Variants in STRN observed in about 807,000 individuals in gnomAD.
The protein encoded by STRN is striatin, also known as protein phosphatase 2 regulatory subunit B'''alpha.
In STRN, 53 loss-of-function variants were observed where a neutral mutation model predicts 96.3. The observed-to-expected ratio is 0.55, with a 90% CI of 0.44 to 0.69. The LOEUF is 0.69. Ranked by LOEUF, STRN falls within the 30% of genes least tolerant of loss-of-function variation. STRN has a pLI of 0.00. For missense variants in STRN, 987 were observed against 963.9 expected (o/e 1.02, Z -0.32); for synonymous variants, 428 against 355.9 (o/e 1.20, Z -2.28).
intron 12 of STRN, among the ~76,000 whole-genome samples, chr2:36,861,811 G>T (rs1353379043): frequency 1.3e-5 from 2 of 151,912 alleles, no homozygotes; most frequent in Non-Finnish European, 2.9e-5. Context: ...ACATGTGCAG[G>T]TTGGTACTAT....
chr2:36,885,681 A>C (rs879733173), intron 8 of STRN, among the ~76,000 whole-genome samples: 2 of 152,170 alleles, frequency 1.3e-5, no homozygotes, highest in Non-Finnish European at 2.9e-5. Context: ...AAATGCTTTT[A>C]AGTAATAAAG....
intron 15 of STRN, 83 bp from the exon 16 acceptor site, chr2:36,851,190 G>A (rs1572620678): frequency 1.6e-6 from 2 of 1,282,070 alleles, no homozygotes; most frequent in South Asian, 2.6e-5. Context: ...CTATCTAAGA[G>A]ACTGAAAAAG....
At chr2:36,929,172 GATAAAA>G (rs558129217) in intron 1 of STRN, among the ~76,000 whole-genome samples, 321 of 151,958 alleles carry the variant, frequency 2.1e-3, no homozygotes, top group African/African-American at 7.4e-3. Flanking sequence ...AAACAAAAAA[GATAAAA>G]ATAATAGAAG....
In STRN at chr2:36,838,736, C is replaced by T. The variant is rs909597521; in HGVS notation, c.*10720G>A. 9.2e-5 allele frequency among the ~76,000 whole-genome samples: 14 copies of T among 152,022 alleles called. No individual in the cohort carries two copies. Among genetic ancestry groups the T allele is most frequent in the Non-Finnish European group, 1.8e-4 (12 of 68,008 alleles). On this transcript the variant is annotated 3_prime_UTR_variant, in exon 18 of 18. Coordinates refer to ENST00000263918, the MANE Select transcript of STRN (RefSeq NM_003162.4). ...TACTCCAGGGAATCTATTCCGCAGA[C>T]GTAAAACCATCATGGTGACAAACAT...
intron 1 of STRN, among the ~76,000 whole-genome samples, chr2:36,927,966 C>T (rs1243400978): frequency 6.6e-6 from 1 of 151,796 alleles, no homozygotes; most frequent in Admixed American, 6.6e-5. Flanking sequence ...CAAATGACCA[C>T]CTAAAGGAGA....
rs1214904671 is a variant in STRN, at chr2:36,886,793, CAGGCTTCAGGCATGAGACACT to C, written c.944_964del (p.Gln315_Trp322delinsArg). 6.2e-7 allele frequency: 1 copy of C among 1,613,352 alleles called. No homozygotes were observed. The highest frequency in any genetic ancestry group is 8.5e-7 in the Non-Finnish European group (1 of 1,179,666). On this transcript the variant is annotated inframe_deletion, in exon 8 of 18. Coordinates refer to ENST00000263918, the MANE Select transcript of STRN (RefSeq NM_003162.4). Reference sequence around the variant, plus strand: ...GGTAATTACTCCCTGGTCCACATTCCAGGCTTCAGGCATGAGACACTGGTCTTCCTTTTCTAAACAGAGTGA... The same window carrying C: ...GGTAATTACTCCCTGGTCCACATTCCGGTCTTCCTTTTCTAAACAGAGTGA...
At chr2:36,925,362 G>A (rs1370215794) in intron 1 of STRN, among the ~76,000 whole-genome samples, 154 bp from the exon 2 acceptor site, 1 of 152,114 alleles carries the variant, frequency 6.6e-6, no homozygotes, top group African/African-American at 2.4e-5. Flanking sequence ...AAAATGCACT[G>A]ACTGCAAGGG....
At chr2:36,936,844 C>T (rs547108798) in intron 1 of STRN, among the ~76,000 whole-genome samples, 1 of 152,292 alleles carries the variant, frequency 6.6e-6, no homozygotes, top group Admixed American at 6.5e-5. Flanking sequence ...TATCACAACT[C>T]ACCTTTCATT....
rs745506504 is a variant in STRN, at chr2:36,950,213, G to GTTT, written c.234+16014_234+16016dup. Among the ~76,000 whole-genome samples the GTTT allele has an allele frequency of 5.9e-3, 638 of 109,022 alleles. 38 individuals carry two copies. The East Asian group carries it at 0.074, about 13-fold the overall frequency. 71.5% of individuals were successfully genotyped at this position (109,022 alleles called of 152,430 possible). A position where few individuals can be genotyped will look rare whatever the true frequency, so the allele number is the denominator to read the frequency against. On this transcript the variant is annotated intron_variant, in intron 1 of 17. Transcript: ENST00000263918. ...GTTACTGGTTGGTTGGTTTGGTTTT[G>GTTT]TTTTTTTTTTTTTTTTTTTTGAGAC...
Position 36,884,018 on chromosome 2 carries a change from A to C in STRN, c.1100T>G (p.Leu367Arg). Residue 367 changes from leucine to arginine, a missense_variant, in exon 9 of 18, where the codon CTT becomes CGT. By Grantham distance (102) the Leu-to-Arg change is moderately radical. Coordinates refer to ENST00000263918, the MANE Select transcript of STRN (RefSeq NM_003162.4). ...ACCCACAGATGGCTGCAATGAAGGA[A>C]GTTCATCAACATCTCTCAAATTAGC... ...MLANLRDVDE[L>R]PSLQPSVGSP... The C allele has an allele frequency of 6.9e-7, 1 of 1,441,106 alleles. No individual in the cohort carries two copies. Among genetic ancestry groups the C allele is most frequent in the Non-Finnish European group, 9.2e-7 (1 of 1,091,088 alleles). 89.3% of individuals were successfully genotyped at this position (1,441,106 alleles called of 1,614,324 possible).
chr2:36,905,347 CT>C (rs1363864933), intron 4 of STRN, among the ~76,000 whole-genome samples, 192 bp downstream of exon 4: 2 of 152,162 alleles, frequency 1.3e-5, no homozygotes, highest in Non-Finnish European at 2.9e-5. Context: ...TTATAAAATT[CT>C]TTTAACTACG....
intron 2 of STRN, among the ~76,000 whole-genome samples, chr2:36,918,806 A>G (rs1670174732): frequency 6.6e-6 from 1 of 152,170 alleles, no homozygotes; most frequent in African/African-American, 2.4e-5. Flanking sequence ...CTTCTCATTC[A>G]TACCGTTTTC....
chr2:36,850,250 A>G (rs984777841), intron 16 of STRN, among the ~76,000 whole-genome samples: 2 of 152,196 alleles, frequency 1.3e-5, no homozygotes, highest in African/African-American at 4.8e-5. Context: ...ACATACAGAA[A>G]AAAATTTTAA....
chr2:36,929,643 T>TA (rs1385625132), intron 1 of STRN, among the ~76,000 whole-genome samples: 1 of 152,072 alleles, frequency 6.6e-6, no homozygotes, highest in African/African-American at 2.4e-5. Context: ...TCAGCCTCCC[T>TA]AAGCGCTGGG....
Position 36,841,796 on chromosome 2 carries a change from C to A in STRN, c.*7660G>T, listed in dbSNP as rs1442090032. On this transcript the variant is annotated 3_prime_UTR_variant, in exon 18 of 18. Transcript: ENST00000263918. Reference sequence around the variant, plus strand: ...CTCTAGGATACTTTTGATATATTTCCTAAAAATATTTAATTTAGATAACAA... The same window carrying A: ...CTCTAGGATACTTTTGATATATTTCATAAAAATATTTAATTTAGATAACAA... 6.6e-6 allele frequency: 1 copy of A among 152,144 alleles called. No individual in the cohort carries two copies. Among genetic ancestry groups the A allele is most frequent in the East Asian group, 1.9e-4 (1 of 5,196 alleles). The allele number at this position is 152,144 out of a possible 1,614,324, so 9.4% of individuals were successfully genotyped here.
chr2:36,863,087 T>G (rs981393692), intron 12 of STRN, among the ~76,000 whole-genome samples: 5 of 152,182 alleles, frequency 3.3e-5, no homozygotes, highest in Non-Finnish European at 7.4e-5. Flanking sequence ...TTTGTCAGAT[T>G]CATAGTTTGC....
At chr2:36,933,440 G>C (rs1670624445) in intron 1 of STRN, among the ~76,000 whole-genome samples, 1 of 152,154 alleles carries the variant, frequency 6.6e-6, no homozygotes, top group Admixed American at 6.5e-5. Context: ...GAGAGAATAA[G>C]ATATCAATCA....
intron 13 of STRN, among the ~76,000 whole-genome samples, chr2:36,860,121 A>C (rs960780422): frequency 2.0e-5 from 3 of 152,226 alleles, no homozygotes; most frequent in African/African-American, 7.2e-5. Flanking sequence ...GGGGATGGAA[A>C]GGGAGCAAGG....
chr2:36,861,552 T>C (rs1013873952), intron 12 of STRN, among the ~76,000 whole-genome samples: 15 of 152,140 alleles, frequency 9.9e-5, no homozygotes, highest in South Asian at 2.1e-4. Flanking sequence ...AAAACAAGAA[T>C]ATGCAACAGA....
Sources: gnomAD v4.1 joint callset for allele counts (sites outside exome capture counted in the v4.1 genomes callset) on GRCh38, gnomAD v4.1.1 for gene constraint, MANE v1.5 for transcripts, NCBI Gene and HGNC (gene_info 2026-07-23, HGNC 2026-07-21) for gene names.